The following RTP1 variants were observed in gnomAD, a reference collection of about 807,000 sequenced individuals.
The protein encoded by RTP1 is receptor-transporting protein 1.
Under a neutral mutation model 27.1 loss-of-function variants are expected in RTP1, and 24 were observed. The ratio of observed to expected loss-of-function variants is 0.89; its 90% CI spans 0.64 to 1.25. The LOEUF (loss-of-function observed/expected upper bound fraction) is 1.25. Ranked by LOEUF, RTP1 falls within the 50% of genes most tolerant of loss-of-function variation. The pLI, the probability that RTP1 is intolerant of heterozygous loss-of-function variation, is 0.00. For synonymous variants in RTP1, 148 were observed against 148.1 expected, an observed-to-expected ratio of 1.00 and a Z score of 0.00; for missense variants, 338 against 351.6, an observed-to-expected ratio of 0.96 and a Z score of 0.31.
In RTP1 at chr3:187,199,588, C is replaced by T. The variant is rs200203602; in HGVS notation, c.310C>T (p.Pro104Ser). 6.2e-7 allele frequency: 1 copy of T among 1,604,442 alleles called. No individual in the cohort carries two copies. Among genetic ancestry groups the T allele is most frequent in the African/African-American group, 1.3e-5 (1 of 74,904 alleles). Residue 104 changes from proline (P) to serine (S), a missense_variant, in exon 2 of 2, where the codon CCC becomes TCC. Coordinates refer to ENST00000312295, the MANE Select transcript of RTP1 (RefSeq NM_153708.3). ...CSWCWHTWQSPYVVILFHMFL... is the reference protein window; with the variant it reads ...CSWCWHTWQSSYVVILFHMFL... ...CTGGTGCTGGCACACCTGGCAGTCG[C>T]CCTACGTGGTCATCCTCTTCCACAT...
chr3:187,199,449 T>G, intron 1 of RTP1, 102 bp from the exon 2 acceptor site: 1 of 1,336,264 alleles, frequency 7.5e-7, no homozygotes, highest in Non-Finnish European at 1.0e-6. Flanking sequence ...TTCCTCCACC[T>G]CCAGGCTCTG....
In RTP1 at chr3:187,201,154, C is replaced by G. The variant is rs751542506; in HGVS notation, c.*1084C>G. On this transcript the variant is annotated 3_prime_UTR_variant, in exon 2 of 2. Transcript: ENST00000312295. Reference sequence around the variant, plus strand: ...GGGGTATCTTCAGCAAGAGAGAGGGCGTTAAAGATGTAAAATGCTTTGTCC... The same window carrying G: ...GGGGTATCTTCAGCAAGAGAGAGGGGGTTAAAGATGTAAAATGCTTTGTCC... The G allele has an allele frequency of 1.3e-5, 2 of 152,104 alleles. No homozygotes were observed. Among genetic ancestry groups the G allele is most frequent in the Non-Finnish European group, 2.9e-5 (2 of 68,030 alleles). 9.4% of individuals were successfully genotyped at this position (152,104 alleles called of 1,614,324 possible).
chr3:187,198,593 T>C (rs1721644125), intron 1 of RTP1: 1 of 152,220 alleles, frequency 6.6e-6, no homozygotes, highest in South Asian at 2.1e-4. Flanking sequence ...CCTTCCTGCT[T>C]GCCCTGGTTC....
Position 187,199,543 on chromosome 3 carries a change from C to G in RTP1, c.273-8C>G. 1 of 1,577,110 alleles carries G rather than the reference C, an allele frequency of 6.3e-7. No individual in the cohort carries two copies. The highest frequency in any genetic ancestry group is 1.7e-4 in the Middle Eastern group (1 of 5,918). The stretch of plus-strand genomic sequence containing the variant: ...CTTCTATTCCTCCCTCTCCTCCCGT[C>G]TCCGCAGGTTCCACTGCTCCTGGTG... On this transcript the variant is annotated splice_polypyrimidine_tract_variant and splice_region_variant and intron_variant, in intron 1 of 1. Transcript: ENST00000312295.
Position 187,197,644 on chromosome 3 carries a change from A to C in RTP1, c.129A>C (p.Thr43=), listed in dbSNP as rs762158927. The C allele has an allele frequency of 6.2e-7, 1 of 1,614,248 alleles. No homozygotes were observed. Among genetic ancestry groups the C allele is most frequent in the Non-Finnish European group, 8.5e-7 (1 of 1,180,040 alleles). ...TDETMCKSVT[T]DEWKKVFYEK... ...AGACCATGTGTAAAAGCGTGACCAC[A>C]GATGAGTGGAAGAAAGTCTTCTATG... is the stretch of plus-strand genomic sequence containing the variant. Residue 43 remains threonine (T), a synonymous_variant, in exon 1 of 2, where the codon ACA becomes ACC. Transcript: ENST00000312295.
Position 187,199,835 on chromosome 3 carries a change from A to T in RTP1, c.557A>T (p.His186Leu). 6.2e-7 allele frequency: 1 copy of T among 1,607,762 alleles called. No homozygotes were observed. The highest frequency in any genetic ancestry group is 1.3e-5 in the African/African-American group (1 of 74,900). Residue 186 changes from histidine to leucine, a missense_variant, in exon 2 of 2, where the codon CAC becomes CTC. This residue lies in a region of RTP1 where 252 missense variants were observed against 231.5 expected (regional missense o/e 1.09). Transcript: ENST00000312295. ...HVASRQDNRR[H>L]RGEFCEACQE... ...GCCAGCCGCCAGGACAACCGGCGGC[A>T]CCGCGGAGAGTTCTGCGAGGCCTGC... is the stretch of plus-strand genomic sequence containing the variant.
chr3:187,199,341 G>A (rs1251103031), intron 1 of RTP1: 3 of 543,214 alleles, frequency 5.5e-6, no homozygotes, highest in South Asian at 3.1e-5. Flanking sequence ...CTGGATGCCC[G>A]GTGACATCCT....
intron 1 of RTP1, chr3:187,199,260 A>G: frequency 9.7e-6 from 4 of 411,944 alleles, no homozygotes; most frequent in Non-Finnish European, 8.7e-6. Flanking sequence ...CCCATGAGGA[A>G]TAAGAATGAC....
At chr3:187,198,307 C>A (rs1560216937) in intron 1 of RTP1, among the ~76,000 whole-genome samples, 4 of 152,184 alleles carry the variant, frequency 2.6e-5, no homozygotes, top group African/African-American at 9.7e-5. Flanking sequence ...TCTTCTTGGA[C>A]CTGGCTTTCT....
chr3:187,197,813 C>G, intron 1 of RTP1, 26 bp downstream of exon 1: 1 of 1,601,374 alleles, frequency 6.2e-7, no homozygotes. Flanking sequence ...AGGTGGATCC[C>G]TGCAGGCCGC....
Position 187,199,668 on chromosome 3 carries a change from G to A in RTP1, c.390G>A (p.Gln130=), listed in dbSNP as rs373594081. The A allele has an allele frequency of 2.5e-6, 4 of 1,609,860 alleles. No homozygotes were observed. The highest frequency in any genetic ancestry group is 1.6e-4 in the Middle Eastern group (1 of 6,074). The change falls in exon 2 of 2, where the codon CAG becomes CAA. Residue 130 remains glutamine (Q), a synonymous_variant. Coordinates refer to ENST00000312295, the MANE Select transcript of RTP1 (RefSeq NM_153708.3). ...CGGTGCGCATGCGCGTCTTCAAGCA[G>A]CTGTGCTATGAGTGCGGCACGGCGC... The part of the protein sequence containing the change: ...AGSVRMRVFK[Q]LCYECGTARL...
In RTP1 at chr3:187,200,249, T is replaced by A. The variant is rs746049559; in HGVS notation, c.*179T>A. ...TATAAAACTCAGGGTTTGGGCAAGA[T>A]CATTGGTTTATCATAGTGAAACCCA... is the stretch of plus-strand genomic sequence containing the variant. On this transcript the variant is annotated 3_prime_UTR_variant, in exon 2 of 2. Transcript: ENST00000312295. The A allele has an allele frequency of 1.9e-6, 1 of 528,316 alleles. No homozygotes were observed. Among genetic ancestry groups the A allele is most frequent in the Non-Finnish European group, 3.0e-6 (1 of 335,994 alleles). 32.7% of individuals were successfully genotyped at this position (528,316 alleles called of 1,614,324 possible).
At chr3:187,198,308 C>T (rs1721639961) in intron 1 of RTP1, among the ~76,000 whole-genome samples, 2 of 152,206 alleles carry the variant, frequency 1.3e-5, no homozygotes, top group South Asian at 2.1e-4. Context: ...CTTCTTGGAC[C>T]TGGCTTTCTC....
rs774549091 is a variant in RTP1 at position 187,199,936 on chromosome 3, G to T, written c.658G>T (p.Ala220Ser). ...EEATTYTFSR[A>S]PSPTKSQDQT... Reference sequence around the variant, plus strand: ...GGCGACCACCTACACCTTCTCCCGGGCGCCCAGCCCCACCAAGTCGCAGGA... The same window carrying T: ...GGCGACCACCTACACCTTCTCCCGGTCGCCCAGCCCCACCAAGTCGCAGGA... Residue 220 changes from alanine to serine, a missense_variant, in exon 2 of 2, where the codon GCG (alanine) becomes TCG (serine). Physicochemically the swap from Ala to Ser is moderately conservative, Grantham distance 99. Coordinates refer to ENST00000312295, the MANE Select transcript of RTP1 (RefSeq NM_153708.3). The T allele has an allele frequency of 8.1e-6, 13 of 1,595,914 alleles. No individual in the cohort carries two copies. The highest frequency in any genetic ancestry group is 1.1e-5 in the Non-Finnish European group (13 of 1,169,788).
At chr3:187,198,006 CCTCT>C (rs1465694487) in intron 1 of RTP1, 12 of 533,996 alleles carry the variant, frequency 2.2e-5, no homozygotes, top group Non-Finnish European at 3.3e-5. Context: ...TGTTACTCTT[CCTCT>C]CTGAGTCACA....
At chr3:187,198,407 C>T (rs1721641222) in intron 1 of RTP1, 1 of 152,316 alleles carries the variant, frequency 6.6e-6, no homozygotes, top group African/African-American at 2.4e-5. Context: ...AATCTTGGGC[C>T]CCTTTTAGAT....
chr3:187,199,816 C>T lies in RTP1; in HGVS notation c.538C>T (p.Arg180Cys), dbSNP rs372732386. The change falls in exon 2 of 2, where the codon CGC becomes TGC. Residue 180 changes from arginine to cysteine, a missense_variant. By Grantham distance (180) the Arg-to-Cys change is radical (BLOSUM62 -3). This residue lies in a region of RTP1 where 252 missense variants were observed against 231.5 expected (regional missense o/e 1.09). Coordinates refer to ENST00000312295, the MANE Select transcript of RTP1 (RefSeq NM_153708.3). Reference protein sequence around the residue: ...GGQYRIHVASRQDNRRHRGEF... With the variant: ...GGQYRIHVASCQDNRRHRGEF... Reference sequence around the variant, plus strand: ...CCAGTACCGCATCCACGTGGCCAGCCGCCAGGACAACCGGCGGCACCGCGG... The same window carrying T: ...CCAGTACCGCATCCACGTGGCCAGCTGCCAGGACAACCGGCGGCACCGCGG... 74 of 1,608,904 alleles carry T rather than the reference C, an allele frequency of 4.6e-5. No individual in the cohort carries two copies. The highest frequency in any genetic ancestry group is 5.9e-5 in the Non-Finnish European group (69 of 1,176,106).
chr3:187,197,590 G>A lies in RTP1; in HGVS notation c.75G>A (p.Arg25=), dbSNP rs768758222. ...CCTCACTCTCCGTGTTCTCACTAAG[G>A]TGGAAATTGCCTTCCCTCACTACTG... ...HLPSLSVFSL[R]WKLPSLTTDE... is the part of the protein sequence containing the mutation. The change falls in exon 1 of 2, where the codon AGG becomes AGA. Residue 25 remains arginine (R), a synonymous_variant. Transcript: ENST00000312295. The A allele has an allele frequency of 1.9e-6, 3 of 1,614,052 alleles. No individual in the cohort carries two copies. In the Admixed American group the frequency reaches 5.0e-5, roughly 27 times the overall value.
Position 187,199,590 on chromosome 3 carries a change from C to G in RTP1, c.312C>G (p.Pro104=), listed in dbSNP as rs1283668600. 1 of 1,604,974 alleles carries G rather than the reference C, an allele frequency of 6.2e-7. No homozygotes were observed. Among genetic ancestry groups the G allele is most frequent in the African/African-American group, 1.3e-5 (1 of 74,792 alleles). The change falls in exon 2 of 2, where the codon CCC becomes CCG. Residue 104 remains proline (P), a synonymous_variant. Coordinates refer to ENST00000312295, the MANE Select transcript of RTP1 (RefSeq NM_153708.3). ...GGTGCTGGCACACCTGGCAGTCGCC[C>G]TACGTGGTCATCCTCTTCCACATGT... ...CSWCWHTWQS[P]YVVILFHMFL...
Sources: gnomAD v4.1 joint callset for allele counts (sites outside exome capture counted in the v4.1 genomes callset) on GRCh38, gnomAD v4.1.1 for gene constraint, gnomAD v4.1.1 regional missense constraint, MANE v1.5 for transcripts, NCBI Gene and HGNC (gene_info 2026-07-23, HGNC 2026-07-21) for gene names.